Variants in ZNF528 observed in about 807,000 individuals in gnomAD.
The protein encoded by ZNF528 is zinc finger protein 528.
Under a neutral mutation model 13.3 loss-of-function variants are expected in ZNF528, and 9 were observed. That is an observed-to-expected ratio of 0.67 (90% CI 0.41 to 1.18). ZNF528 has a LOEUF of 1.18. Ranked by LOEUF, ZNF528 falls within the 50% of genes most tolerant of loss-of-function variation. The pLI, the probability that ZNF528 is intolerant of heterozygous loss-of-function variation, is 0.01. For synonymous variants in ZNF528, 264 were observed against 254.3 expected, an observed-to-expected ratio of 1.04 and a Z score of -0.36; for missense variants, 858 against 745.4, an observed-to-expected ratio of 1.15 and a Z score of -1.76.
At chr19:52,409,303 T>TC (rs1050091762) in intron 6 of ZNF528, among the ~76,000 whole-genome samples, 5 of 109,122 alleles carry the variant, frequency 4.6e-5, no homozygotes, top group Admixed American at 3.8e-4. Context: ...ATCAAATCTC[T>TC]TTTTTTTTTT....
At chr19:52,414,277 C>T (rs2058970354) in intron 6 of ZNF528, 3 of 702,530 alleles carry the variant, frequency 4.3e-6, no homozygotes, top group East Asian at 5.4e-5. Context: ...TGTCCGACAT[C>T]CTCGGAGTCC....
Position 52,405,975 on chromosome 19 carries a change from G to T in ZNF528, c.84G>T (p.Ala28=). 6.2e-7 allele frequency: 1 copy of T among 1,612,064 alleles called. No individual in the cohort carries two copies. Among genetic ancestry groups the T allele is most frequent in the Non-Finnish European group, 8.5e-7 (1 of 1,178,568 alleles). The change falls in exon 5 of 7, where the codon GCG becomes GCT. Residue 28 remains alanine, a synonymous_variant. Transcript: ENST00000360465. ...AAGAGTGGAAATGCCTGGACCCTGC[G>T]CAGAGGACTTTATACAGGGACGTGA... is the stretch of plus-strand genomic sequence containing the variant. ...SQEEWKCLDP[A]QRTLYRDVML...
intron 6 of ZNF528, among the ~76,000 whole-genome samples, chr19:52,411,141 A>G (rs1340323700): frequency 6.6e-6 from 1 of 152,070 alleles, no homozygotes; most frequent in Non-Finnish European, 1.5e-5. Context: ...AAAATGAATG[A>G]TATACGCAGT....
Position 52,416,190 on chromosome 19 carries a change from T to G in ZNF528, c.1338T>G (p.Phe446Leu). ...AATGTAATAAATGTGGCACAGCGTT[T>G]AGAGAGTTTTCAGACCTTACTGCCC... ...PYKCNKCGTA[F>L]REFSDLTAHF... Residue 446 changes from phenylalanine to leucine, a missense_variant, in exon 7 of 7, where the codon TTT becomes TTG. By Grantham distance (22) the Phe-to-Leu change is conservative. Coordinates refer to ENST00000360465, the MANE Select transcript of ZNF528 (RefSeq NM_032423.3). 1.9e-6 allele frequency: 3 copies of G among 1,613,792 alleles called. No homozygotes were observed. Among genetic ancestry groups the G allele is most frequent in the Non-Finnish European group, 2.5e-6 (3 of 1,179,880 alleles).
chr19:52,417,669 T>A lies in ZNF528; in HGVS notation c.*930T>A, dbSNP rs1266195259. ...TCTCACTCTGTTGCCCAGGCTGGAG[T>A]GTAGTGGTGTGTTCTTGGCTCACTG... is the stretch of plus-strand genomic sequence containing the variant. On this transcript the variant is annotated 3_prime_UTR_variant, in exon 7 of 7. Coordinates refer to ENST00000360465, the MANE Select transcript of ZNF528 (RefSeq NM_032423.3). 2 of 151,342 alleles carry A rather than the reference T, an allele frequency of 1.3e-5. No homozygotes were observed. Among genetic ancestry groups the A allele is most frequent in the East Asian group, 3.9e-4 (2 of 5,156 alleles). The allele number at this position is 151,342 out of a possible 1,614,324, so 9.4% of individuals were successfully genotyped here.
rs768924851 is a variant in ZNF528 at position 52,415,813 on chromosome 19, GGA to G, written c.966_967del (p.Lys323ThrfsTer5). The G allele has an allele frequency of 3.1e-6, 5 of 1,614,098 alleles. No homozygotes were observed. The highest frequency in any genetic ancestry group is 3.4e-6 in the Non-Finnish European group (4 of 1,180,008). On this transcript the variant is annotated frameshift_variant, in exon 7 of 7. Transcript: ENST00000360465. LOFTEE classifies it low-confidence loss of function (END_TRUNC). ...TGTACGACATCAAAAAATTCATACT[GGA>G]GAGAAACCTTACAGTTGTAATAAAT... ...HLVRHQKIHTGEKPYSCNKCG... is the reference protein window; with the variant it reads ...HLVRHQKIHTXEKPYSCNKCG...
chr19:52,409,708 G>GTTTGTT (rs993864181), intron 6 of ZNF528, among the ~76,000 whole-genome samples: 2 of 151,480 alleles, frequency 1.3e-5, no homozygotes, highest in African/African-American at 2.4e-5. Flanking sequence ...TTTTTTGCTT[G>GTTTGTT]TTTGTTTTTG....
At chr19:52,411,433 G>A (rs1390717109) in intron 6 of ZNF528, 1 of 152,168 alleles carries the variant, frequency 6.6e-6, no homozygotes, top group East Asian at 1.9e-4. Context: ...GGTTTAATTT[G>A]TGCATTAATA....
rs1395089762 is a variant in ZNF528, at chr19:52,417,413, C to T, written c.*674C>T. ...TACTGTTGCAGTTAGCACACTTTCT[C>T]CTGACATAAGTGCACAGAGCTTCAG... On this transcript the variant is annotated 3_prime_UTR_variant, in exon 7 of 7. Coordinates refer to ENST00000360465, the MANE Select transcript of ZNF528 (RefSeq NM_032423.3). The T allele has an allele frequency of 1.2e-5, 2 of 164,986 alleles. No individual in the cohort carries two copies. Among genetic ancestry groups the T allele is most frequent in the African/African-American group, 2.4e-5 (1 of 41,566 alleles). 10.2% of individuals were successfully genotyped at this position (164,986 alleles called of 1,614,324 possible).
rs1464883935 is a variant in ZNF528 at position 52,417,241 on chromosome 19, CAGT to C, written c.*505_*507del. 7 of 298,666 alleles carry C rather than the reference CAGT, an allele frequency of 2.3e-5. No individual in the cohort carries two copies. Among genetic ancestry groups the C allele is most frequent in the Non-Finnish European group, 4.6e-5 (7 of 152,936 alleles). The allele number at this position is 298,666 out of a possible 1,614,324, so 18.5% of individuals were successfully genotyped here. On this transcript the variant is annotated 3_prime_UTR_variant, in exon 7 of 7. Coordinates refer to ENST00000360465, the MANE Select transcript of ZNF528 (RefSeq NM_032423.3). ...TTCACTGTGGTCCCTGGGAAAGAAT[CAGT>C]AGGATGACAGGGCTGACTTCATTAG...
In ZNF528 at chr19:52,402,037, A is replaced by C. The variant is rs1322307041; in HGVS notation, c.15+9A>C. 1 of 1,614,164 alleles carries C rather than the reference A, an allele frequency of 6.2e-7. No homozygotes were observed. The highest frequency in any genetic ancestry group is 8.5e-7 in the Non-Finnish European group (1 of 1,180,020). Reference sequence around the variant, plus strand: ...GAATGGCCCTTACTCAGGTAAGGTAATGTTCTCAGTGGATTGTTCTGTCTC... The same window carrying C: ...GAATGGCCCTTACTCAGGTAAGGTACTGTTCTCAGTGGATTGTTCTGTCTC... On this transcript the variant is annotated intron_variant, in intron 4 of 6. Transcript: ENST00000360465.
intron 4 of ZNF528, among the ~76,000 whole-genome samples, chr19:52,403,901 G>A (rs974573155): frequency 1.3e-5 from 2 of 152,022 alleles, no homozygotes; most frequent in Non-Finnish European, 2.9e-5. Flanking sequence ...ATACTATCAT[G>A]CTAATGAGCT....
In ZNF528 at chr19:52,398,572, AAG is replaced by A; in HGVS notation, c.-180_-179del. 2 of 985,408 alleles carry A rather than the reference AAG, an allele frequency of 2.0e-6. No homozygotes were observed. The highest frequency in any genetic ancestry group is 4.7e-5 in the South Asian group (1 of 21,282). 61.0% of individuals were successfully genotyped at this position (985,408 alleles called of 1,614,324 possible). A position where few individuals can be genotyped will look rare whatever the true frequency, so the allele number is the denominator to read the frequency against. ...GGCAGAGGAAATAGAGAAATTTTGA[AAG>A]AGAAATGAAGAATGAGAGACCCATT... On this transcript the variant is annotated 5_prime_UTR_variant, in exon 2 of 7. Transcript: ENST00000360465.
chr19:52,407,172 C>T (rs1323232772), intron 6 of ZNF528, among the ~76,000 whole-genome samples: 1 of 140,668 alleles, frequency 7.1e-6, no homozygotes, highest in East Asian at 2.1e-4. Flanking sequence ...TGTTGAACTC[C>T]TGGGCACCCA....
At position 52,418,291 on chromosome 19, in the gene ZNF528, A is replaced by G. The variant is rs1039046911; in HGVS notation, c.*1552A>G. 1.2e-4 allele frequency: 19 copies of G among 152,216 alleles called. No individual in the cohort carries two copies. Among genetic ancestry groups the G allele is most frequent in the African/African-American group, 4.3e-4 (18 of 41,460 alleles). The allele number at this position is 152,216 out of a possible 1,614,324, so 9.4% of individuals were successfully genotyped here. On this transcript the variant is annotated 3_prime_UTR_variant, in exon 7 of 7. Coordinates refer to ENST00000360465, the MANE Select transcript of ZNF528 (RefSeq NM_032423.3). Reference sequence around the variant, plus strand: ...AGCCACCACACCTGGCCAGCTCAGCATATTCTTAAGTAGGATTCACATTTA... The same window carrying G: ...AGCCACCACACCTGGCCAGCTCAGCGTATTCTTAAGTAGGATTCACATTTA...
At chr19:52,415,066 A>G (rs2058981983) in intron 6 of ZNF528, 58 bp from the exon 7 acceptor site, 8 of 1,608,592 alleles carry the variant, frequency 5.0e-6, no homozygotes, top group Non-Finnish European at 5.9e-6. Flanking sequence ...ACCCTCTGTC[A>G]GACACTAAAG....
At chr19:52,413,177 G>C (rs1371063457) in intron 6 of ZNF528, 1 of 152,204 alleles carries the variant, frequency 6.6e-6, no homozygotes, top group Non-Finnish European at 1.5e-5. Context: ...AGCAGCCTGT[G>C]AACGCTGCTG....
chr19:52,410,222 G>A (rs2058913293), intron 6 of ZNF528, among the ~76,000 whole-genome samples: 2 of 152,278 alleles, frequency 1.3e-5, no homozygotes, highest in African/African-American at 2.4e-5. Context: ...ACAAATGTGG[G>A]AATAAAAGAC....
chr19:52,401,092 C>G (rs1214348662), intron 2 of ZNF528, among the ~76,000 whole-genome samples: 1 of 152,108 alleles, frequency 6.6e-6, no homozygotes, highest in African/African-American at 2.4e-5. Flanking sequence ...TTGATCTCAT[C>G]TATGGTTTTA....
Sources: gnomAD v4.1 joint callset for allele counts (sites outside exome capture counted in the v4.1 genomes callset) on GRCh38, gnomAD v4.1.1 for gene constraint, MANE v1.5 for transcripts, NCBI Gene and HGNC (gene_info 2026-07-23, HGNC 2026-07-21) for gene names.